TPST1: variants seen among roughly 807,000 people sequenced by gnomAD.
TPST1 encodes the protein tyrosylprotein sulfotransferase 1, also known as protein-tyrosine sulfotransferase 1.
In TPST1, 20 loss-of-function variants were observed where a neutral mutation model predicts 34.8. That is an observed-to-expected ratio of 0.57 (90% CI 0.40 to 0.84). The LOEUF (loss-of-function observed/expected upper bound fraction) is 0.84, where lower values mean the gene tolerates loss of function less well. Among genes scored for constraint, TPST1 ranks in the 40% least tolerant of loss-of-function variants. The probability of loss-of-function intolerance (pLI) is 0.00; values close to 1 mark genes in which losing one functional copy is unlikely to be tolerated. For missense variants in TPST1, 353 were observed against 455.5 expected (o/e 0.78, Z 2.05); for synonymous variants, 152 against 159.4 (o/e 0.95, Z 0.35).
intron 1 of TPST1, among the ~76,000 whole-genome samples, chr7:66,221,013 A>C (rs1176712833): frequency 6.6e-6 from 1 of 152,022 alleles, no homozygotes; most frequent in Admixed American, 6.6e-5. Flanking sequence ...CATGCCTGTA[A>C]TCCCAGCTAC....
chr7:66,247,104 A>G (rs1790165128), intron 2 of TPST1, among the ~76,000 whole-genome samples: 1 of 152,200 alleles, frequency 6.6e-6, no homozygotes. Context: ...TATGGTCACC[A>G]CTGCTTCTTC....
At chr7:66,215,141 G>A (rs1260902293) in intron 1 of TPST1, among the ~76,000 whole-genome samples, 1 of 148,504 alleles carries the variant, frequency 6.7e-6, no homozygotes, top group Non-Finnish European at 1.5e-5. Flanking sequence ...TGCAACCTCC[G>A]CCTCCCGGGT....
At chr7:66,235,184 A>ATTTT (rs767189278) in intron 1 of TPST1, among the ~76,000 whole-genome samples, 15 of 129,820 alleles carry the variant, frequency 1.2e-4, no homozygotes, top group African/African-American at 3.1e-4. Flanking sequence ...TTCTGCATAG[A>ATTTT]TTTTTTTTTT....
upstream of TPST1, among the ~76,000 whole-genome samples, chr7:66,201,637 G>A (rs1313161373): frequency 6.6e-6 from 1 of 151,870 alleles, no homozygotes; most frequent in Non-Finnish European, 1.5e-5. Context: ...GTTGCAGTCA[G>A]CCGATATCAT....
At chr7:66,234,285 G>A (rs1214880214) in intron 1 of TPST1, among the ~76,000 whole-genome samples, 1 of 152,088 alleles carries the variant, frequency 6.6e-6, no homozygotes, top group East Asian at 1.9e-4. Flanking sequence ...TAGCCTAAAT[G>A]CCATTTTAAA....
intron 3 of TPST1, among the ~76,000 whole-genome samples, chr7:66,296,143 A>G (rs1262125156): frequency 6.6e-6 from 1 of 152,110 alleles, no homozygotes; most frequent in Non-Finnish European, 1.5e-5. Context: ...GTTGGGAAGA[A>G]TGCTATGGTT....
intron 2 of TPST1, among the ~76,000 whole-genome samples, chr7:66,278,419 A>G (rs1790864190): frequency 6.6e-6 from 1 of 152,116 alleles, no homozygotes; most frequent in South Asian, 2.1e-4. Context: ...TGAGCTTGAG[A>G]TAGTTATTAG....
chr7:66,358,327 G>GTT (rs199803598), intron 5 of TPST1, among the ~76,000 whole-genome samples: 2 of 139,050 alleles, frequency 1.4e-5, no homozygotes, highest in African/African-American at 5.3e-5. Flanking sequence ...GCTGACCTTT[G>GTT]TTTTTTTTTT....
intron 3 of TPST1, among the ~76,000 whole-genome samples, chr7:66,315,269 C>T (rs569055561): frequency 2.6e-4 from 40 of 151,792 alleles, no homozygotes; most frequent in Non-Finnish European, 4.7e-4. Flanking sequence ...CTTAGACCTG[C>T]GGAGGCAAAG....
rs1790001312 is a variant in TPST1, at chr7:66,240,299, A to AAAT, written c.-101-23_-101-21dup. 12 of 1,188,382 alleles carry AAAT rather than the reference A, an allele frequency of 1.0e-5. No homozygotes were observed. In the South Asian group the frequency reaches 1.8e-4, roughly 18 times the overall value. 73.6% of individuals were successfully genotyped at this position (1,188,382 alleles called of 1,614,324 possible). ...TTGTAAGCAATCTCAATGTAATGATAAATAACCTTTTCCTTTCTCTACTAG... is the reference window on the plus strand; with the variant it reads ...TTGTAAGCAATCTCAATGTAATGATAAATAATAACCTTTTCCTTTCTCTACTAG... On this transcript the variant is annotated intron_variant, in intron 1 of 5. Coordinates refer to ENST00000304842, the MANE Select transcript of TPST1 (RefSeq NM_003596.4).
chr7:66,314,683 G>T (rs1178224663), intron 3 of TPST1, among the ~76,000 whole-genome samples: 1 of 152,120 alleles, frequency 6.6e-6, no homozygotes, highest in African/African-American at 2.4e-5. Flanking sequence ...AATTTAGATG[G>T]TATAGCCTGC....
intron 3 of TPST1, among the ~76,000 whole-genome samples, chr7:66,351,999 C>T (rs1215917608): frequency 6.6e-6 from 1 of 152,072 alleles, no homozygotes; most frequent in East Asian, 1.9e-4. Context: ...ATGAGATTTA[C>T]GGTTTATATC....
intron 3 of TPST1, among the ~76,000 whole-genome samples, chr7:66,292,972 C>T (rs1480063542): frequency 3.9e-5 from 6 of 152,038 alleles, no homozygotes; most frequent in Admixed American, 3.3e-4. Context: ...TTTGGGAGGT[C>T]GAGGCGGGTG....
At chr7:66,231,153 C>T (rs1444232145) in intron 1 of TPST1, among the ~76,000 whole-genome samples, 1 of 152,208 alleles carries the variant, frequency 6.6e-6, no homozygotes, top group Non-Finnish European at 1.5e-5. Flanking sequence ...CACTCACAAA[C>T]CCTGAGCTAA....
chr7:66,268,838 G>A (rs562856747), intron 2 of TPST1, among the ~76,000 whole-genome samples: 96 of 152,034 alleles, frequency 6.3e-4, no homozygotes, highest in African/African-American at 2.2e-3. Flanking sequence ...ACAGGCACGC[G>A]CCACCACGCC....
chr7:66,280,835 A>G (rs1790918984), intron 2 of TPST1, among the ~76,000 whole-genome samples: 1 of 152,192 alleles, frequency 6.6e-6, no homozygotes, highest in South Asian at 2.1e-4. Flanking sequence ...AGTTTGATAG[A>G]TAGCATTAGA....
intron 3 of TPST1, among the ~76,000 whole-genome samples, chr7:66,327,628 T>A (rs1027488054): frequency 2.6e-4 from 40 of 151,332 alleles, no homozygotes; most frequent in Non-Finnish European, 5.3e-4. Flanking sequence ...GAGGCTGAGG[T>A]GGGAGGATCC....
chr7:66,325,884 T>A (rs1383462341), intron 3 of TPST1, among the ~76,000 whole-genome samples: 1 of 152,234 alleles, frequency 6.6e-6, no homozygotes, highest in Admixed American at 6.5e-5. Flanking sequence ...TCTGCCCGCC[T>A]TGGCCTCCCA....
At chr7:66,303,197 G>A (rs937750645) in intron 3 of TPST1, among the ~76,000 whole-genome samples, 1 of 151,748 alleles carries the variant, frequency 6.6e-6, no homozygotes, top group Non-Finnish European at 1.5e-5. Context: ...GCCTTCATCT[G>A]AAAATGTTAA....
Sources: gnomAD v4.1 joint callset for allele counts (sites outside exome capture counted in the v4.1 genomes callset) on GRCh38, gnomAD v4.1.1 for gene constraint, MANE v1.5 for transcripts, NCBI Gene and HGNC (gene_info 2026-07-23, HGNC 2026-07-21) for gene names.